Variants in LIPA observed in about 807,000 individuals in gnomAD.
LIPA encodes lipase A, lysosomal acid type.
Under a neutral mutation model 40.6 loss-of-function variants are expected in LIPA, and 26 were observed. The observed-to-expected ratio is 0.64, with a 90% CI of 0.47 to 0.89. The LOEUF is 0.89. Among genes scored for constraint, LIPA ranks in the 40% least tolerant of loss-of-function variants. LIPA has a pLI of 0.00. For missense variants in LIPA, 455 were observed against 479.6 expected (o/e 0.95, Z 0.48); for synonymous variants, 188 against 168.4 (o/e 1.12, Z -0.90).
At chr10:89,393,089 A>C (rs1844281621) in intron 2 of LIPA, 1 of 1,253,572 alleles carries the variant, frequency 8.0e-7, no homozygotes, top group African/African-American at 1.5e-5. Context: ...GTCTGAGTAG[A>C]GGCATTGCTT....
At chr10:89,248,118 G>A (rs1157522898) in intron 1 of LIPA, among the ~76,000 whole-genome samples, 2 of 150,634 alleles carry the variant, frequency 1.3e-5, no homozygotes, top group African/African-American at 2.4e-5. Flanking sequence ...GCCCACCTCG[G>A]CCTCTCAAAG....
chr10:89,228,548 A>AT, intron 3 of LIPA, 150 bp from the exon 4 acceptor site: 2 of 750,250 alleles, frequency 2.7e-6, no homozygotes, highest in Non-Finnish European at 4.4e-6. Context: ...ACTCACATAT[A>AT]ATGTTAGTAA....
intron 1 of LIPA, among the ~76,000 whole-genome samples, chr10:89,341,941 G>C (rs1364791207): frequency 6.6e-6 from 1 of 152,184 alleles, no homozygotes; most frequent in East Asian, 1.9e-4. Flanking sequence ...TGAGAGAGTA[G>C]ATTTTGTGTT....
chr10:89,298,391 T>C lies in LIPA; in HGVS notation c.-2+44220A>G, dbSNP rs72814781. On this transcript the variant is annotated intron_variant, in intron 1 of 5. Coordinates refer to the LIPA transcript ENST00000282673. ...CAAGAATAAACCCCACCCTAAACCA[T>C]CAAGGAAATCATATATATCACTGAT... 4.2e-3 allele frequency among the ~76,000 whole-genome samples: 637 copies of C among 152,168 alleles called. 1 individual carries two copies. Among genetic ancestry groups the C allele is most frequent in the Non-Finnish European group, 7.2e-3 (488 of 67,988 alleles).
intron 1 of LIPA, among the ~76,000 whole-genome samples, chr10:89,332,905 T>C (rs1843671879): frequency 6.6e-6 from 1 of 152,154 alleles, no homozygotes; most frequent in African/African-American, 2.4e-5. Context: ...TCAGGTAAAA[T>C]CGGGCCAGTG....
At chr10:89,384,161 C>T in intron 2 of LIPA, 1 of 1,614,200 alleles carries the variant, frequency 6.2e-7, no homozygotes, top group Non-Finnish European at 8.5e-7. Flanking sequence ...ACAACACCCA[C>T]TTCTGCCTTC....
At chr10:89,345,211 TAAAG>T (rs1843909037), upstream of LIPA, among the ~76,000 whole-genome samples, 1 of 150,716 alleles carries the variant, frequency 6.6e-6, no homozygotes, top group South Asian at 2.1e-4. Context: ...AATTTCAAGA[TAAAG>T]AAAGAAAAAA....
rs1438838453 is a variant in LIPA at position 89,215,070 on chromosome 10, A to G, written c.967-9T>C. 6.3e-7 allele frequency: 1 copy of G among 1,578,798 alleles called. No individual in the cohort carries two copies. Among genetic ancestry groups the G allele is most frequent in the Non-Finnish European group, 8.7e-7 (1 of 1,147,756 alleles). On this transcript the variant is annotated splice_polypyrimidine_tract_variant and intron_variant, in intron 9 of 9. Transcript: ENST00000336233. ...TATGTGGGAGGATAACTCTACAATG[A>G]AAAGGAACCAGAGAAAGCCTCGTTG...
intron 1 of LIPA, chr10:89,338,729 T>C: frequency 6.2e-7 from 1 of 1,614,012 alleles, no homozygotes; most frequent in Non-Finnish European, 8.5e-7. Context: ...TGGAACTTAT[T>C]CAAGGAAGAC....
At chr10:89,217,862 G>A (rs1190168848) in intron 8 of LIPA, among the ~76,000 whole-genome samples, 16 of 152,120 alleles carry the variant, frequency 1.1e-4, no homozygotes, top group Admixed American at 9.8e-4. Flanking sequence ...TTTACCGGGC[G>A]CCACCTTGTG....
At chr10:89,389,929 C>T (rs577784814) in intron 2 of LIPA, among the ~76,000 whole-genome samples, 19 of 151,302 alleles carry the variant, frequency 1.3e-4, no homozygotes, top group Admixed American at 4.6e-4. Flanking sequence ...CCCTGGTTCC[C>T]GGCTCAGGGC....
chr10:89,323,080 C>T (rs968152465), intron 1 of LIPA, among the ~76,000 whole-genome samples: 6 of 152,234 alleles, frequency 3.9e-5, no homozygotes, highest in African/African-American at 1.4e-4. Context: ...TTATGTCCCA[C>T]AGCCAAATTC....
At chr10:89,223,301 C>A (rs202125718) in intron 7 of LIPA, among the ~76,000 whole-genome samples, 1 of 110 alleles carries the variant, frequency 9.1e-3, no homozygotes, top group East Asian at 0.12. Flanking sequence ...ACTCAACAGG[C>A]TTCAGCCCTT....
At chr10:89,242,590 C>T (rs781164456) in intron 3 of LIPA, among the ~76,000 whole-genome samples, 11 of 152,198 alleles carry the variant, frequency 7.2e-5, no homozygotes, top group Non-Finnish European at 1.5e-4. Flanking sequence ...GCTACACAGT[C>T]AGTCAAAGAG....
chr10:89,306,350 A>G (rs759821795), intron 1 of LIPA: 2 of 1,614,166 alleles, frequency 1.2e-6, no homozygotes, highest in Admixed American at 3.3e-5. Context: ...CAGTCCCTAT[A>G]GAATTGAGAG....
intron 8 of LIPA, among the ~76,000 whole-genome samples, chr10:89,220,549 T>C (rs1467930245): frequency 1.3e-5 from 2 of 152,212 alleles, no homozygotes; most frequent in East Asian, 3.8e-4. Flanking sequence ...TTTGGGGGCA[T>C]TCCTTAAGTG....
chr10:89,297,956 T>A (rs1471152889), intron 1 of LIPA, among the ~76,000 whole-genome samples: 1 of 152,226 alleles, frequency 6.6e-6, no homozygotes, highest in African/African-American at 2.4e-5. Context: ...CTCTCCTCTC[T>A]CTGCACAGTG....
intron 2 of LIPA, among the ~76,000 whole-genome samples, chr10:89,352,014 G>A (rs1843961843): frequency 6.6e-6 from 1 of 152,118 alleles, no homozygotes; most frequent in Non-Finnish European, 1.5e-5. Flanking sequence ...AAAACTGAGT[G>A]CCCGGCCACG....
chr10:89,390,246 A>C (rs1844236776), intron 2 of LIPA, among the ~76,000 whole-genome samples: 1 of 152,048 alleles, frequency 6.6e-6, no homozygotes, highest in South Asian at 2.1e-4. Flanking sequence ...TTGTCCTCCC[A>C]AAATGCTGGG....
Sources: gnomAD v4.1 joint callset for allele counts (sites outside exome capture counted in the v4.1 genomes callset) on GRCh38, gnomAD v4.1.1 for gene constraint, MANE v1.5 for transcripts, NCBI Gene and HGNC (gene_info 2026-07-23, HGNC 2026-07-21) for gene names.